Variants in CSMD2 observed in about 807,000 individuals in gnomAD.
The protein encoded by CSMD2 is CUB and Sushi multiple domains 2.
CSMD2 carries 130 observed loss-of-function variants against 398.5 expected under a neutral mutation model. The ratio of observed to expected loss-of-function variants is 0.33; its 90% CI spans 0.28 to 0.38. CSMD2 has a LOEUF of 0.38. CSMD2 is among the 10% of genes least tolerant of loss of function. CSMD2 has a pLI of 1.00. For synonymous variants in CSMD2, 1,828 were observed against 1,908.5 expected, an observed-to-expected ratio of 0.96 and a Z score of 1.10; for missense variants, 3,829 against 4,764.9, an observed-to-expected ratio of 0.80 and a Z score of 5.78.
At chr1:33,946,402 T>C (rs568837493) in intron 3 of CSMD2, among the ~76,000 whole-genome samples, 86 of 152,272 alleles carry the variant, frequency 5.6e-4, no homozygotes, top group Middle Eastern at 3.4e-3. Flanking sequence ...TGTGAAAATG[T>C]TTTTCTTGAC....
chr1:33,839,849 T>C, intron 6 of CSMD2: 1 of 154,012 alleles, frequency 6.5e-6, no homozygotes. Flanking sequence ...ACACTCAAAA[T>C]TCTGGCAATA....
intron 32 of CSMD2, among the ~76,000 whole-genome samples, chr1:33,631,615 C>A (rs1416135512): frequency 6.6e-6 from 1 of 151,956 alleles, no homozygotes; most frequent in African/African-American, 2.4e-5. Flanking sequence ...ACAAAAATCT[C>A]CATGAAATAT....
At chr1:33,862,341 CTCTGTGTGTGTGTGTG>C (rs1286958117) in intron 5 of CSMD2, 1 of 60,644 alleles carries the variant, frequency 1.6e-5, no homozygotes, top group Non-Finnish European at 4.0e-5. Context: ...AGATAAGCTA[CTCTGTGTGTGTGTGTG>C]TGTGTGTGTG....
At chr1:33,979,360 C>T (rs964732323) in intron 3 of CSMD2, among the ~76,000 whole-genome samples, 2 of 146,412 alleles carry the variant, frequency 1.4e-5, no homozygotes, top group African/African-American at 2.4e-5. Flanking sequence ...TTTCCTATGG[C>T]ATCTTTGAAT....
At chr1:33,852,583 A>G (rs965415701) in intron 5 of CSMD2, among the ~76,000 whole-genome samples, 2 of 152,032 alleles carry the variant, frequency 1.3e-5, no homozygotes, top group African/African-American at 2.4e-5. Context: ...CCTTTCCTCT[A>G]TCTCTCCCTC....
intron 2 of CSMD2, among the ~76,000 whole-genome samples, chr1:34,061,974 C>T (rs1448962811): frequency 1.3e-5 from 2 of 152,146 alleles, no homozygotes; most frequent in Non-Finnish European, 2.9e-5. Flanking sequence ...TTGCTTCAAG[C>T]CTCTCCATAT....
chr1:33,835,981 C>T (rs1660207797), intron 6 of CSMD2, among the ~76,000 whole-genome samples: 1 of 152,110 alleles, frequency 6.6e-6, no homozygotes, highest in Admixed American at 6.5e-5. Context: ...GTTTTTTCCC[C>T]ATCTTTGTGG....
intron 1 of CSMD2, among the ~76,000 whole-genome samples, chr1:34,159,891 G>A (rs1015359346): frequency 6.6e-6 from 1 of 152,208 alleles, no homozygotes; most frequent in Non-Finnish European, 1.5e-5. Flanking sequence ...ATTCGATGAG[G>A]TATGGCACTG....
intron 55 of CSMD2, among the ~76,000 whole-genome samples, chr1:33,552,818 G>A (rs1390884516): frequency 6.6e-6 from 1 of 152,110 alleles, no homozygotes; most frequent in Non-Finnish European, 1.5e-5. Context: ...GGGCTGCTTG[G>A]GAATGATGAA....
chr1:33,895,311 G>A (rs1642307241), intron 5 of CSMD2, among the ~76,000 whole-genome samples: 1 of 152,176 alleles, frequency 6.6e-6, no homozygotes, highest in South Asian at 2.1e-4. Flanking sequence ...AGCTTCTCAT[G>A]ATACAGGCAC....
chr1:33,750,741 T>C (rs1383426819), intron 13 of CSMD2, among the ~76,000 whole-genome samples: 2 of 152,194 alleles, frequency 1.3e-5, no homozygotes, highest in Admixed American at 6.5e-5. Context: ...GATTGATCAA[T>C]ACCTGATGCT....
intron 65 of CSMD2, among the ~76,000 whole-genome samples, chr1:33,525,269 T>C (rs554306774): frequency 6.6e-6 from 1 of 152,308 alleles, no homozygotes; most frequent in South Asian, 2.1e-4. Context: ...CGCAGCATCA[T>C]TCACAATGTC....
At chr1:33,532,116 G>A (rs1655292727) in intron 64 of CSMD2, among the ~76,000 whole-genome samples, 2 of 152,198 alleles carry the variant, frequency 1.3e-5, no homozygotes, top group African/African-American at 4.8e-5. Flanking sequence ...TGACCCTGAA[G>A]GCTTCCCTCT....
intron 10 of CSMD2, among the ~76,000 whole-genome samples, chr1:33,797,373 A>G (rs1482567391): frequency 6.6e-6 from 1 of 152,228 alleles, no homozygotes; most frequent in Non-Finnish European, 1.5e-5. Flanking sequence ...TGGAAAATAG[A>G]AAGAATCGAT....
chr1:34,143,880 G>A (rs1405635432), intron 1 of CSMD2, among the ~76,000 whole-genome samples: 13 of 152,158 alleles, frequency 8.5e-5, no homozygotes, highest in Non-Finnish European at 1.5e-4. Flanking sequence ...CTATCAAGGA[G>A]TTAACCAAGG....
chr1:33,659,914 A>G (rs541403736), intron 26 of CSMD2, among the ~76,000 whole-genome samples: 19 of 152,390 alleles, frequency 1.2e-4, no homozygotes, highest in Middle Eastern at 3.4e-3. Flanking sequence ...TTTACATATC[A>G]ACATTTGACA....
chr1:33,628,122 C>G (rs887660316), intron 32 of CSMD2, among the ~76,000 whole-genome samples: 2 of 152,074 alleles, frequency 1.3e-5, no homozygotes, highest in Non-Finnish European at 2.9e-5. Flanking sequence ...TCTGTGAAGT[C>G]AGAGGAAGAA....
intron 1 of CSMD2, among the ~76,000 whole-genome samples, chr1:34,131,665 G>A (rs1418149340): frequency 6.6e-6 from 1 of 152,176 alleles, no homozygotes; most frequent in Non-Finnish European, 1.5e-5. Flanking sequence ...GCCTCTCTCT[G>A]AGGCAGCACA....
chr1:33,555,096 TAAG>T (rs1270024794), intron 55 of CSMD2, among the ~76,000 whole-genome samples: 2 of 152,198 alleles, frequency 1.3e-5, no homozygotes, highest in Non-Finnish European at 2.9e-5. Context: ...TAGATGCCAT[TAAG>T]AAGATTTGTG....
Sources: gnomAD v4.1 joint callset for allele counts (sites outside exome capture counted in the v4.1 genomes callset) on GRCh38, gnomAD v4.1.1 for gene constraint, MANE v1.5 for transcripts, NCBI Gene and HGNC (gene_info 2026-07-23, HGNC 2026-07-21) for gene names.